Variants in SCARB1 observed in about 807,000 individuals in gnomAD.
SCARB1 encodes the protein scavenger receptor class B member 1, also known as CD36 and LIMPII analogous 1.
Under a neutral mutation model 57.2 loss-of-function variants are expected in SCARB1, and 30 were observed. The ratio of observed to expected loss-of-function variants is 0.52; its 90% CI spans 0.39 to 0.71. The LOEUF is 0.71. Among genes scored for constraint, SCARB1 ranks in the 30% least tolerant of loss-of-function variants. The probability of loss-of-function intolerance (pLI) is 0.00; values close to 1 mark genes in which losing one functional copy is unlikely to be tolerated. For synonymous variants in SCARB1, 249 were observed against 268.3 expected (o/e 0.93, Z 0.70); for missense variants, 543 against 671.2 (o/e 0.81, Z 2.11).
At chr12:124,781,593 C>T (rs1873483801) in intron 12 of SCARB1, among the ~76,000 whole-genome samples, 3 of 152,130 alleles carry the variant, frequency 2.0e-5, no homozygotes, top group African/African-American at 7.2e-5. Flanking sequence ...AGCCTATGTT[C>T]CCAGCAGATA....
At chr12:124,798,529 C>T (rs1950024596) in intron 8 of SCARB1, among the ~76,000 whole-genome samples, 1 of 152,022 alleles carries the variant, frequency 6.6e-6, no homozygotes. Context: ...CATGACCTCA[C>T]CTGTATGTGG....
At position 124,786,520 on chromosome 12, in the gene SCARB1, A is replaced by T. The variant is rs764539347; in HGVS notation, c.1255-17T>A. On this transcript the variant is annotated splice_polypyrimidine_tract_variant and intron_variant, in intron 10 of 12. Coordinates refer to ENST00000261693, the MANE Select transcript of SCARB1 (RefSeq NM_005505.5). ...GGCCCCGCTCTGAGGAGACAGAATG[A>T]CAAACACATGAGCTGGGGCCGCAGG... 1.5e-5 allele frequency: 25 copies of T among 1,613,696 alleles called. No homozygotes were observed. The highest frequency in any genetic ancestry group is 2.1e-5 in the Non-Finnish European group (25 of 1,180,034).
chr12:124,823,438 C>G (rs748374134), intron 1 of SCARB1, among the ~76,000 whole-genome samples: 1 of 152,204 alleles, frequency 6.6e-6, no homozygotes, highest in Non-Finnish European at 1.5e-5. Flanking sequence ...GCCACCACTT[C>G]TCACCCACCA....
intron 9 of SCARB1, among the ~76,000 whole-genome samples, chr12:124,793,517 C>T (rs2135570831): frequency 6.6e-6 from 1 of 151,988 alleles, no homozygotes; most frequent in African/African-American, 2.4e-5. Flanking sequence ...CATGGTGAAA[C>T]CCTGTATCTA....
intron 1 of SCARB1, among the ~76,000 whole-genome samples, chr12:124,846,439 C>A (rs1952156140): frequency 6.6e-6 from 1 of 152,052 alleles, no homozygotes; most frequent in Admixed American, 6.6e-5. Context: ...TGAACACAGT[C>A]ACCGGCATCA....
intron 1 of SCARB1, among the ~76,000 whole-genome samples, chr12:124,846,655 C>CG (rs947663011): frequency 2.1e-5 from 3 of 143,494 alleles, no homozygotes; most frequent in African/African-American, 7.8e-5. Flanking sequence ...TGCTTGAACC[C>CG]GGGGGGCAGA....
chr12:124,841,438 T>A (rs1010825852), intron 1 of SCARB1, among the ~76,000 whole-genome samples: 2 of 145,546 alleles, frequency 1.4e-5, no homozygotes, highest in Non-Finnish European at 3.0e-5. Flanking sequence ...GCTGATACCA[T>A]GCCACTGCAC....
At chr12:124,848,487 C>G (rs764381657) in intron 1 of SCARB1, among the ~76,000 whole-genome samples, 21 of 151,494 alleles carry the variant, frequency 1.4e-4, no homozygotes, top group African/African-American at 4.9e-4. Context: ...TCGTGGCCTT[C>G]TTGAGTGGGG....
chr12:124,785,642 G>C (rs2135536677), intron 11 of SCARB1: 1 of 165,360 alleles, frequency 6.0e-6, no homozygotes, highest in Middle Eastern at 3.1e-3. Context: ...TCCAAAATGA[G>C]ACCTGCTGCA....
intron 7 of SCARB1, among the ~76,000 whole-genome samples, chr12:124,806,405 CCGA>C (rs2135633997): frequency 6.6e-6 from 1 of 152,292 alleles, no homozygotes; most frequent in South Asian, 2.1e-4. Flanking sequence ...TGTCAGGGGA[CCGA>C]CGCCAACAGC....
chr12:124,822,627 G>A lies in SCARB1; in HGVS notation c.127-4920C>T, dbSNP rs544721850. Reference sequence around the variant, plus strand: ...AGGCCAGGCATGGTGGCTCACGCCTGTAATCCAAGGACTTTGGGAGGCCAA... The same window carrying A: ...AGGCCAGGCATGGTGGCTCACGCCTATAATCCAAGGACTTTGGGAGGCCAA... On this transcript the variant is annotated intron_variant, in intron 1 of 12. Transcript: ENST00000261693. This position sits in a 1 kb window ranked among gnomAD's most constrained non-coding sequence, Gnocchi z 5.0. Among the ~76,000 whole-genome samples the A allele has an allele frequency of 3.3e-5, 5 of 152,372 alleles. No individual in the cohort carries two copies. Among genetic ancestry groups the A allele is most frequent in the African/African-American group, 9.6e-5 (4 of 41,584 alleles).
Position 124,812,047 on chromosome 12 carries a change from C to T in SCARB1, c.631-82G>A, listed in dbSNP as rs1482229979. 1 of 1,009,734 alleles carries T rather than the reference C, an allele frequency of 9.9e-7. No homozygotes were observed. Among genetic ancestry groups the T allele is most frequent in the Non-Finnish European group, 1.5e-6 (1 of 653,780 alleles). 62.5% of individuals were successfully genotyped at this position (1,009,734 alleles called of 1,614,324 possible). On this transcript the variant is annotated intron_variant, in intron 4 of 12. Transcript: ENST00000261693. This position sits in a 1 kb window ranked among gnomAD's most constrained non-coding sequence, Gnocchi z 4.3. ...TGGTCTGAACATTCTGGGCTGAGCC[C>T]TCCTCCCCCTCCACCAGAAGGACAG...
chr12:124,860,070 C>T (rs1017177156), intron 1 of SCARB1, among the ~76,000 whole-genome samples: 1 of 151,586 alleles, frequency 6.6e-6, no homozygotes, highest in Admixed American at 6.6e-5. Context: ...CCTGCTTCAG[C>T]GTCCCGAATA....
chr12:124,798,415 A>C (rs4765176), intron 8 of SCARB1, among the ~76,000 whole-genome samples: 62,041 of 151,786 alleles, frequency 0.41, 13,358 homozygotes, highest in Non-Finnish European at 0.48. Flanking sequence ...TGTCTCAAAA[A>C]ATAAATAAAT....
intron 7 of SCARB1, among the ~76,000 whole-genome samples, chr12:124,806,665 C>T (rs764310390): frequency 1.3e-5 from 2 of 152,186 alleles, no homozygotes; most frequent in Non-Finnish European, 1.5e-5. Flanking sequence ...CACGCAGAGG[C>T]AGGTGGATCA....
At chr12:124,792,041 G>A (rs1156971285) in intron 9 of SCARB1, among the ~76,000 whole-genome samples, 5 of 152,018 alleles carry the variant, frequency 3.3e-5, no homozygotes, top group Non-Finnish European at 7.3e-5. Context: ...ACAGTGAAAT[G>A]GGCTCACACT....
At position 124,800,387 on chromosome 12, in the gene SCARB1, A is replaced by G. The variant is rs530103743; in HGVS notation, c.1010-145T>C. ...CCAGACAGAGAGGATCCCTTCCTCC[A>G]TTCTGTAAAAAGCCCCAGGCCCTGT... is the stretch of plus-strand genomic sequence containing the variant. On this transcript the variant is annotated intron_variant, in intron 7 of 12. Coordinates refer to ENST00000261693, the MANE Select transcript of SCARB1 (RefSeq NM_005505.5). The surrounding 1 kb of genome is among the most constrained non-coding windows in gnomAD (Gnocchi z 4.8). 2.6e-5 allele frequency: 16 copies of G among 627,084 alleles called. No individual in the cohort carries two copies. Among genetic ancestry groups the G allele is most frequent in the Admixed American group, 8.1e-5 (3 of 37,222 alleles). The allele number at this position is 627,084 out of a possible 1,614,324, so 38.8% of individuals were successfully genotyped here.
rs566703127 is a variant in SCARB1, at chr12:124,815,695, G to A, written c.285-581C>T. On this transcript the variant is annotated intron_variant, in intron 2 of 12. Coordinates refer to ENST00000261693, the MANE Select transcript of SCARB1 (RefSeq NM_005505.5). ...ATCCTGCCCAACATGGCGAAACCAC[G>A]TCTCTACTAAAAATACAAAAATTAG... 3.3e-5 allele frequency among the ~76,000 whole-genome samples: 5 copies of A among 152,216 alleles called. 1 individual carries two copies. The highest frequency in any genetic ancestry group is 9.6e-5 in the African/African-American group (4 of 41,538).
At position 124,796,936 on chromosome 12, in the gene SCARB1, C is replaced by G. The variant is rs1341471621; in HGVS notation, c.1129-1668G>C. Among the ~76,000 whole-genome samples, 1 of 152,198 alleles carries G rather than the reference C, an allele frequency of 6.6e-6. No individual in the cohort carries two copies. The highest frequency in any genetic ancestry group is 1.5e-5 in the Non-Finnish European group (1 of 68,032). On this transcript the variant is annotated intron_variant, in intron 8 of 12. Transcript: ENST00000261693. This position sits in a 1 kb window ranked among gnomAD's most constrained non-coding sequence, Gnocchi z 4.0. ...CAGGAGGGTCCCCACCATCCCCTAA[C>G]TGATGAGAGTAGTTCACTGGGCCGA...
Sources: allele counts gnomAD v4.1 joint callset (sites outside exome capture counted in the v4.1 genomes callset), GRCh38; gene constraint gnomAD v4.1.1; non-coding constraint Gnocchi (gnomAD v3.1); transcripts MANE v1.5; gene names NCBI Gene and HGNC (gene_info 2026-07-23, HGNC 2026-07-21).